Variants in ENPP1 observed in about 807,000 individuals in gnomAD.
The protein encoded by ENPP1 is ectonucleotide pyrophosphatase/phosphodiesterase family member 1.
A neutral mutation model predicts 122.8 loss-of-function variants in ENPP1; 73 were observed. The ratio of observed to expected loss-of-function variants is 0.59; its 90% CI spans 0.49 to 0.72. The LOEUF is 0.72. ENPP1 is among the 30% of genes least tolerant of loss of function. The pLI is 0.00. For synonymous variants in ENPP1, 367 were observed against 391.6 expected, an observed-to-expected ratio of 0.94 and a Z score of 0.74; for missense variants, 978 against 1,128.1, an observed-to-expected ratio of 0.87 and a Z score of 1.91.
At chr6:131,837,146 T>C (rs897366936) in intron 1 of ENPP1, among the ~76,000 whole-genome samples, 13 of 151,320 alleles carry the variant, frequency 8.6e-5, no homozygotes, top group Admixed American at 5.3e-4. Context: ...GTGAGTTTTC[T>C]AGCTTATTTG....
chr6:131,879,945 A>C lies in ENPP1; in HGVS notation c.2011A>C (p.Ile671Leu). ...TAGAGTTCTCCAGAAGGAAAACACCATCTGTCTTCTTTCCCAGCACCAGTT... is the reference window on the plus strand; with the variant it reads ...TAGAGTTCTCCAGAAGGAAAACACCCTCTGTCTTCTTTCCCAGCACCAGTT... Reference protein sequence around the residue: ...RPRVLQKENTICLLSQHQFMS... With the variant: ...RPRVLQKENTLCLLSQHQFMS... The change falls in exon 20 of 25, where the codon ATC becomes CTC. Residue 671 changes from isoleucine to leucine, a missense_variant. By Grantham distance (5) the Ile-to-Leu change is conservative (BLOSUM62 2). Around this residue, in one of 3 missense-constraint regions of ENPP1, gnomAD observed 644 missense variants for 781.5 expected, o/e 0.82. Transcript: ENST00000647893. 1 of 1,613,046 alleles carries C rather than the reference A, an allele frequency of 6.2e-7. No individual in the cohort carries two copies. Among genetic ancestry groups the C allele is most frequent in the Non-Finnish European group, 8.5e-7 (1 of 1,179,010 alleles).
intron 7 of ENPP1, among the ~76,000 whole-genome samples, chr6:131,859,336 A>G (rs1585821943): frequency 2.0e-5 from 3 of 152,080 alleles, no homozygotes; most frequent in Admixed American, 1.3e-4. Flanking sequence ...TGCTTTACTC[A>G]GCAATTTAAA....
intron 1 of ENPP1, among the ~76,000 whole-genome samples, chr6:131,840,871 C>T (rs564845675): frequency 6.6e-6 from 1 of 152,280 alleles, no homozygotes; most frequent in African/African-American, 2.4e-5. Flanking sequence ...CTCTTTCTAC[C>T]AGGCAGGTGT....
At chr6:131,813,982 A>T (rs1202048535) in intron 1 of ENPP1, among the ~76,000 whole-genome samples, 1 of 152,182 alleles carries the variant, frequency 6.6e-6, no homozygotes, top group Non-Finnish European at 1.5e-5. Context: ...GTAGAATGTA[A>T]GTTAAGCAAA....
intron 9 of ENPP1, 24 bp downstream of exon 9, chr6:131,861,728 G>A: frequency 7.8e-7 from 1 of 1,287,384 alleles, no homozygotes; most frequent in Non-Finnish European, 1.1e-6. Flanking sequence ...ATTTTTTCTA[G>A]GATCTGTAAT....
At chr6:131,863,968 A>C (rs9402349) in intron 9 of ENPP1, among the ~76,000 whole-genome samples, 15,599 of 152,182 alleles carry the variant, frequency 0.1, 1,044 homozygotes, top group South Asian at 0.23. Flanking sequence ...AAAGATTAAT[A>C]GTATATGATC....
In ENPP1 at chr6:131,882,376, G is replaced by C. The variant is rs774931329; in HGVS notation, c.2132G>C (p.Cys711Ser). The change falls in exon 21 of 25, where the codon TGT (cysteine) becomes TCT (serine). Residue 711 changes from cysteine to serine, a missense_variant. Cys to Ser is a moderately radical substitution (Grantham distance 112). Around this residue, in one of 3 missense-constraint regions of ENPP1, gnomAD observed 644 missense variants for 781.5 expected, o/e 0.82. Coordinates refer to ENST00000647893, the MANE Select transcript of ENPP1 (RefSeq NM_006208.3). ...DSFSTEDFSN[C>S]LYQDFRIPLS... ...TTCTCTACGGAAGACTTCTCCAACT[G>C]TCTGTACCAGGACTTTAGAATTCCT... is the stretch of plus-strand genomic sequence containing the variant. The C allele has an allele frequency of 1.9e-6, 3 of 1,605,378 alleles. No individual in the cohort carries two copies. The highest frequency in any genetic ancestry group is 8.5e-7 in the Non-Finnish European group (1 of 1,174,420).
Position 131,882,327 on chromosome 6 carries a change from C to T in ENPP1, c.2101-18C>T, listed in dbSNP as rs1782321587. 2 of 1,555,916 alleles carry T rather than the reference C, an allele frequency of 1.3e-6. No homozygotes were observed. Among genetic ancestry groups the T allele is most frequent in the Non-Finnish European group, 1.7e-6 (2 of 1,161,998 alleles). The stretch of plus-strand genomic sequence containing the variant: ...CTGTGCCTGATATCTGAGAGTTCTT[C>T]TCATTTTCGTTCTTCAGGACAGTTT... On this transcript the variant is annotated intron_variant, in intron 20 of 24. Coordinates refer to ENST00000647893, the MANE Select transcript of ENPP1 (RefSeq NM_006208.3).
chr6:131,847,766 C>T lies in ENPP1; in HGVS notation c.241-10C>T. The T allele has an allele frequency of 6.3e-7, 1 of 1,587,950 alleles. No individual in the cohort carries two copies. ...AAGAAACCATGTAATTTTCTCTTTTCTCCCTACAGGTATTGTCAGTATGTG... is the reference window on the plus strand; with the variant it reads ...AAGAAACCATGTAATTTTCTCTTTTTTCCCTACAGGTATTGTCAGTATGTG... On this transcript the variant is annotated splice_polypyrimidine_tract_variant and intron_variant, in intron 1 of 24. Transcript: ENST00000647893.
intron 5 of ENPP1, among the ~76,000 whole-genome samples, 179 bp from the exon 6 acceptor site, chr6:131,854,747 A>G (rs1781923628): frequency 6.6e-6 from 1 of 152,160 alleles, no homozygotes; most frequent in South Asian, 2.1e-4. Context: ...ATAAATATAA[A>G]TGCATGTAAA....
chr6:131,823,462 A>C (rs1013540428), intron 1 of ENPP1, among the ~76,000 whole-genome samples: 3 of 152,130 alleles, frequency 2.0e-5, no homozygotes, highest in African/African-American at 7.2e-5. Flanking sequence ...TCAAAAAAGG[A>C]CTGAAGATGC....
intron 1 of ENPP1, chr6:131,827,870 G>A: frequency 1.4e-6 from 2 of 1,407,860 alleles, no homozygotes; most frequent in East Asian, 2.3e-5. Flanking sequence ...GACTCGGAGA[G>A]TTTCAGAGGC....
chr6:131,825,956 T>C, intron 1 of ENPP1: 1 of 515,964 alleles, frequency 1.9e-6, no homozygotes, highest in Admixed American at 2.8e-5. Flanking sequence ...AAAAATGATT[T>C]TGAAACATGA....
chr6:131,870,598 T>G (rs1782148992), intron 13 of ENPP1, among the ~76,000 whole-genome samples: 1 of 152,216 alleles, frequency 6.6e-6, no homozygotes, highest in South Asian at 2.1e-4. Context: ...TAAGATATGT[T>G]TCAATAGATA....
chr6:131,894,661 C>T lies in ENPP1; in HGVS notation c.*4150C>T, dbSNP rs1242125276. On this transcript the variant is annotated 3_prime_UTR_variant, in exon 25 of 25. Coordinates refer to ENST00000647893, the MANE Select transcript of ENPP1 (RefSeq NM_006208.3). ...AAGAACCTGGCAAAACTTAAAAAAA[C>T]GTTTCCAAGAATCAGATAAAAGAGG... The T allele has an allele frequency of 6.6e-6, 1 of 152,168 alleles. No homozygotes were observed. Among genetic ancestry groups the T allele is most frequent in the Non-Finnish European group, 1.5e-5 (1 of 68,038 alleles). 9.4% of individuals were successfully genotyped at this position (152,168 alleles called of 1,614,324 possible). A position where few individuals can be genotyped will look rare whatever the true frequency, so the allele number is the denominator to read the frequency against.
intron 20 of ENPP1, among the ~76,000 whole-genome samples, chr6:131,881,449 A>G (rs1260905490): frequency 1.3e-5 from 2 of 152,180 alleles, no homozygotes; most frequent in Non-Finnish European, 2.9e-5. Context: ...ATTAAAATGC[A>G]TAACTTTACA....
chr6:131,884,935 A>G lies in ENPP1; in HGVS notation c.2316A>G (p.Ile772Met), dbSNP rs1323636767. The G allele has an allele frequency of 6.2e-7, 1 of 1,614,164 alleles. No individual in the cohort carries two copies. The part of the protein sequence containing the change: ...IVPMYQSFQV[I>M]WRYFHDTLLR... The stretch of plus-strand genomic sequence containing the variant: ...CTGGCTTCTATCTTGTTTCAGTTAT[A>G]TGGCGCTACTTTCATGACACCCTAC... The change falls in exon 23 of 25, where the codon ATA becomes ATG. Residue 772 changes from isoleucine to methionine, a missense_variant. This residue lies in a region of ENPP1 where 644 missense variants were observed against 781.5 expected (regional missense o/e 0.82). Coordinates refer to ENST00000647893, the MANE Select transcript of ENPP1 (RefSeq NM_006208.3).
At chr6:131,819,360 C>T (rs1339450596) in intron 1 of ENPP1, among the ~76,000 whole-genome samples, 3 of 152,040 alleles carry the variant, frequency 2.0e-5, no homozygotes, top group Non-Finnish European at 4.4e-5. Flanking sequence ...TGCATTCTAT[C>T]GAAATGAATA....
chr6:131,824,837 G>C (rs983663315), intron 1 of ENPP1, among the ~76,000 whole-genome samples: 2 of 152,072 alleles, frequency 1.3e-5, no homozygotes, highest in Admixed American at 6.5e-5. Context: ...GAGGCCGGCA[G>C]ATCACTTGAG....
Sources: gnomAD v4.1 joint callset for allele counts (sites outside exome capture counted in the v4.1 genomes callset) on GRCh38, gnomAD v4.1.1 for gene constraint, gnomAD v4.1.1 regional missense constraint, MANE v1.5 for transcripts, NCBI Gene and HGNC (gene_info 2026-07-23, HGNC 2026-07-21) for gene names.